Variants in NUDT4 observed in about 807,000 individuals in gnomAD.
NUDT4 encodes nudix hydrolase 4.
A neutral mutation model predicts 23.1 loss-of-function variants in NUDT4; 5 were observed. The ratio of observed to expected loss-of-function variants is 0.22; its 90% CI spans 0.11 to 0.46. NUDT4 has a LOEUF of 0.46. NUDT4 is among the 20% of genes least tolerant of loss of function. The pLI, the probability that NUDT4 is intolerant of heterozygous loss-of-function variation, is 0.99. For synonymous variants in NUDT4, 50 were observed against 79.0 expected, an observed-to-expected ratio of 0.63 and a Z score of 1.95; for missense variants, 96 against 211.6, an observed-to-expected ratio of 0.45 and a Z score of 3.39.
intron 1 of NUDT4, among the ~76,000 whole-genome samples, chr12:93,389,072 C>T (rs1221943671): frequency 6.6e-6 from 1 of 152,244 alleles, no homozygotes; most frequent in Non-Finnish European, 1.5e-5. Context: ...AAACTACCAT[C>T]ACCAAAAGTT....
chr12:93,386,752 T>G (rs1047837663), intron 1 of NUDT4, among the ~76,000 whole-genome samples: 4 of 152,182 alleles, frequency 2.6e-5, no homozygotes, highest in African/African-American at 9.7e-5. Flanking sequence ...CTATACTAGA[T>G]ATTTTCATCA....
At chr12:93,391,346 CT>C (rs1233789851) in intron 1 of NUDT4, among the ~76,000 whole-genome samples, 4 of 151,970 alleles carry the variant, frequency 2.6e-5, no homozygotes, top group Non-Finnish European at 5.9e-5. Context: ...AGGCAGATCA[CT>C]TGAAGTCAGG....
Position 93,379,327 on chromosome 12 carries a change from A to G in NUDT4, c.99+906A>G, listed in dbSNP as rs116524400. 4.5e-3 allele frequency among the ~76,000 whole-genome samples: 680 copies of G among 152,344 alleles called. 5 individuals are homozygous for G. The highest frequency in any genetic ancestry group is 0.016 in the African/African-American group (659 of 41,582). The stretch of plus-strand genomic sequence containing the variant: ...CTAACTGTTGAAGTTTGCTTAGGGC[A>G]ATAGTAGCCTTTTGGTATTGCCACT... On this transcript the variant is annotated intron_variant, in intron 1 of 4. Coordinates refer to ENST00000415493, the MANE Select transcript of NUDT4 (RefSeq NM_019094.6).
At chr12:93,379,268 T>G (rs757875380) in intron 1 of NUDT4, among the ~76,000 whole-genome samples, 11 of 152,216 alleles carry the variant, frequency 7.2e-5, no homozygotes, top group Non-Finnish European at 1.5e-4. Flanking sequence ...GGAGAGCGAT[T>G]TTTACTTAAT....
At chr12:93,378,720 ATCTTAACGTGCGAATTG>A in intron 1 of NUDT4, 1 of 1,099,396 alleles carries the variant, frequency 9.1e-7, no homozygotes, top group Non-Finnish European at 1.1e-6. Context: ...GGGAGTCACC[ATCTTAACGTGCGAATTG>A]AGTTGAAAGC....
chr12:93,382,116 C>A (rs929165811), intron 1 of NUDT4, among the ~76,000 whole-genome samples: 2 of 151,964 alleles, frequency 1.3e-5, no homozygotes, highest in African/African-American at 4.8e-5. Flanking sequence ...ATACAAAAAG[C>A]AGCCGGGCGT....
rs11315217 is a variant in NUDT4 at position 93,382,674 on chromosome 12, C to CTTTTTTT, written c.99+4267_99+4273dup. Among the ~76,000 whole-genome samples, 37 of 111,644 alleles carry CTTTTTTT rather than the reference C, an allele frequency of 3.3e-4. 1 individual carries two copies. The highest frequency in any genetic ancestry group is 9.8e-4 in the African/African-American group (28 of 28,472). The allele number at this position is 111,644 out of a possible 152,430, so 73.2% of individuals were successfully genotyped here. ...AAAATAAGTACTATCCAAAGGTAGC[C>CTTTTTTT]TTTTTTTTTTTTTTTTTTTTGAGAC... On this transcript the variant is annotated intron_variant, in intron 1 of 4. Transcript: ENST00000415493.
intron 1 of NUDT4, chr12:93,378,901 C>T: frequency 3.7e-6 from 2 of 547,076 alleles, no homozygotes; most frequent in Non-Finnish European, 4.7e-6. Flanking sequence ...AACAGACAGT[C>T]CTCGTGCTTG....
Position 93,403,749 on chromosome 12 carries a change from T to C in NUDT4, c.*4370T>C, listed in dbSNP as rs1190829162. On this transcript the variant is annotated 3_prime_UTR_variant, in exon 5 of 5. Coordinates refer to ENST00000415493, the MANE Select transcript of NUDT4 (RefSeq NM_019094.6). ...GATTTCCCCCACCAAATGCACATTT[T>C]ATGGAGCTCTAGGACAAAAGTCAGG... is the stretch of plus-strand genomic sequence containing the variant. 2.0e-5 allele frequency: 3 copies of C among 152,224 alleles called. No homozygotes were observed. The highest frequency in any genetic ancestry group is 4.4e-5 in the Non-Finnish European group (3 of 68,034). The allele number at this position is 152,224 out of a possible 1,614,324, so 9.4% of individuals were successfully genotyped here. A position where few individuals can be genotyped will look rare whatever the true frequency, so the allele number is the denominator to read the frequency against.
At chr12:93,399,140 T>A (rs1877160480) in intron 4 of NUDT4, 37 bp from the exon 5 acceptor site, 14 of 1,494,464 alleles carry the variant, frequency 9.4e-6, no homozygotes, top group Non-Finnish European at 1.3e-5. Flanking sequence ...CTTTTTAAAA[T>A]GGACTGTCTT....
Position 93,398,874 on chromosome 12 carries a change from T to C in NUDT4, c.340+19T>C, listed in dbSNP as rs1877141115. 2.9e-6 allele frequency: 4 copies of C among 1,384,160 alleles called. No individual in the cohort carries two copies. Among genetic ancestry groups the C allele is most frequent in the Non-Finnish European group, 3.1e-6 (3 of 975,172 alleles). The allele number at this position is 1,384,160 out of a possible 1,614,324, so 85.7% of individuals were successfully genotyped here. The stretch of plus-strand genomic sequence containing the variant: ...AATATTGGTAAGTTCCCTTTTGTTA[T>C]CTGAATACTCTGTTCTAACAGAAGA... On this transcript the variant is annotated intron_variant, in intron 4 of 4. Coordinates refer to ENST00000415493, the MANE Select transcript of NUDT4 (RefSeq NM_019094.6).
intron 1 of NUDT4, among the ~76,000 whole-genome samples, chr12:93,389,669 G>A (rs922599890): frequency 2.0e-5 from 3 of 151,954 alleles, no homozygotes; most frequent in Non-Finnish European, 2.9e-5. Context: ...TTGGGAGGCC[G>A]AGGCAGGTGG....
chr12:93,383,583 G>A (rs1195859920), intron 1 of NUDT4, among the ~76,000 whole-genome samples: 2 of 152,214 alleles, frequency 1.3e-5, no homozygotes, highest in African/African-American at 4.8e-5. Flanking sequence ...TGTAATCCCA[G>A]CCCTTTGGGA....
At chr12:93,384,192 T>C (rs962970087) in intron 1 of NUDT4, among the ~76,000 whole-genome samples, 1 of 151,872 alleles carries the variant, frequency 6.6e-6, no homozygotes, top group Non-Finnish European at 1.5e-5. Context: ...AGCTTTTTTT[T>C]TTTTCTCGCT....
In NUDT4 at chr12:93,387,961, C is replaced by G. The variant is rs142528923; in HGVS notation, c.100-6648C>G. Among the ~76,000 whole-genome samples the G allele has an allele frequency of 5.8e-4, 89 of 152,228 alleles. No individual in the cohort carries two copies. In the East Asian group the frequency reaches 0.014, roughly 25 times the overall value. On this transcript the variant is annotated intron_variant, in intron 1 of 4. Transcript: ENST00000415493. ...CTCTTAGTCACTGCCTTCTCCCCAC[C>G]ACCACCCCCCCAGATGTGGCCTTGC...
chr12:93,382,386 A>AAT (rs1175155292), intron 1 of NUDT4, among the ~76,000 whole-genome samples: 1 of 152,124 alleles, frequency 6.6e-6, no homozygotes, highest in African/African-American at 2.4e-5. Context: ...TATAATGCTG[A>AAT]ATATATATTC....
intron 1 of NUDT4, 68 bp downstream of exon 1, chr12:93,378,489 G>A (rs933402333): frequency 1.4e-6 from 2 of 1,408,310 alleles, no homozygotes; most frequent in Admixed American, 2.7e-5. Flanking sequence ...GCTTCCCCTC[G>A]CTCCCCGCCC....
chr12:93,390,163 A>G (rs142833083), intron 1 of NUDT4, among the ~76,000 whole-genome samples: 35 of 152,294 alleles, frequency 2.3e-4, no homozygotes, highest in Middle Eastern at 3.4e-3. Context: ...CACCTGCGTT[A>G]TGTCCCATTA....
Position 93,402,852 on chromosome 12 carries a change from C to T in NUDT4, c.*3473C>T, listed in dbSNP as rs1159498931. 2 of 122,400 alleles carry T rather than the reference C, an allele frequency of 1.6e-5. No homozygotes were observed. Among genetic ancestry groups the T allele is most frequent in the South Asian group, 2.7e-4 (1 of 3,766 alleles). The allele number at this position is 122,400 out of a possible 1,614,324, so 7.6% of individuals were successfully genotyped here. A position where few individuals can be genotyped will look rare whatever the true frequency, so the allele number is the denominator to read the frequency against. On this transcript the variant is annotated 3_prime_UTR_variant, in exon 5 of 5. Transcript: ENST00000415493. ...TAACTGGCTAAGTCACCGCCCCACC[C>T]GCCGCATTACATTTCCTAAAACATA...
Sources: allele counts gnomAD v4.1 joint callset (sites outside exome capture counted in the v4.1 genomes callset), GRCh38; gene constraint gnomAD v4.1.1; transcripts MANE v1.5; gene names NCBI Gene and HGNC (gene_info 2026-07-23, HGNC 2026-07-21).